The following MROH2B variants were observed in gnomAD, a reference collection of about 807,000 sequenced individuals.
MROH2B encodes maestro heat like repeat family member 2B.
MROH2B carries 177 observed loss-of-function variants against 208.6 expected under a neutral mutation model. The ratio of observed to expected loss-of-function variants is 0.85; its 90% confidence interval spans 0.75 to 0.96. The LOEUF is 0.96. MROH2B is among the 40% of genes least tolerant of loss of function. The probability of loss-of-function intolerance (pLI) is 0.00; values close to 1 mark genes in which losing one functional copy is unlikely to be tolerated. For synonymous variants in MROH2B, 728 were observed against 659.0 expected (o/e 1.10, Z -1.60); for missense variants, 2,002 against 1,878.7 (o/e 1.07, Z -1.21).
intron 5 of MROH2B, among the ~76,000 whole-genome samples, chr5:41,063,467 G>T (rs1367461153): frequency 6.6e-6 from 1 of 152,128 alleles, no homozygotes; most frequent in Admixed American, 6.5e-5. Context: ...TGCTGTGAGA[G>T]TTAAATGAAA....
chr5:41,038,774 T>C lies in MROH2B; in HGVS notation c.2176A>G (p.Ile726Val), dbSNP rs372870181. The change falls in exon 21 of 42, where the codon ATA becomes GTA. Residue 726 changes from isoleucine to valine, a missense_variant. Physicochemically the swap from Ile to Val is conservative, Grantham distance 29 (BLOSUM62 3). Coordinates refer to ENST00000399564, the MANE Select transcript of MROH2B (RefSeq NM_173489.5). Reference sequence around the variant, plus strand: ...CCATGAAGAGACAGGACTTGGGATATGATATCTTGATTAAGTCTGGAGAGA... The same window carrying C: ...CCATGAAGAGACAGGACTTGGGATACGATATCTTGATTAAGTCTGGAGAGA... ...QLLSRLNQDI[I>V]SQVLSLHGQC... 8 of 1,613,364 alleles carry C rather than the reference T, an allele frequency of 5.0e-6. No homozygotes were observed. The South Asian group carries it at 7.7e-5, about 16-fold the overall frequency.
Position 41,007,314 on chromosome 5 carries a change from C to T in MROH2B, c.3749G>A (p.Arg1250Lys), listed in dbSNP as rs1485642489. 9.3e-6 allele frequency: 13 copies of T among 1,399,728 alleles called. No individual in the cohort carries two copies. Among genetic ancestry groups the T allele is most frequent in the Non-Finnish European group, 1.0e-5 (11 of 1,068,052 alleles). 86.7% of individuals were successfully genotyped at this position (1,399,728 alleles called of 1,614,324 possible). Residue 1250 changes from arginine (R) to lysine (K), a missense_variant and splice_region_variant, in exon 34 of 42, where the codon AGG becomes AAG. Coordinates refer to ENST00000399564, the MANE Select transcript of MROH2B (RefSeq NM_173489.5). ...TGGTTCTAGAAAAAGTGCACATTAC[C>T]TGGCCAGTGAACATACGCCTATGTG... ...THHIGVCSLARSMAVWQHGVI... is the reference protein window; with the variant it reads ...THHIGVCSLAKSMAVWQHGVI...
chr5:41,033,152 ATCCATG>A lies in MROH2B; in HGVS notation c.2244_2249del (p.Met749_Asp750del), dbSNP rs770661363. ...TGCTTCTTGTGAAACTCATTTGCAG[ATCCATG>A]TCCTAAAGCAAAAGCATTTACAATG... is the stretch of plus-strand genomic sequence containing the variant. On this transcript the variant is annotated inframe_deletion and splice_region_variant, in exon 23 of 42. Transcript: ENST00000399564. 1.9e-6 allele frequency: 3 copies of A among 1,612,710 alleles called. No homozygotes were observed. In the Admixed American group the frequency reaches 5.0e-5, roughly 27 times the overall value.
chr5:41,033,787 A>G (rs1742654963), intron 22 of MROH2B, 51 bp downstream of exon 22: 2 of 922,946 alleles, frequency 2.2e-6, no homozygotes, highest in East Asian at 5.6e-5. Context: ...GGCATTATCT[A>G]TCTATCTATC....
At chr5:41,031,684 T>G (rs1268151999) in intron 24 of MROH2B, among the ~76,000 whole-genome samples, 1 of 152,068 alleles carries the variant, frequency 6.6e-6, no homozygotes, top group African/African-American at 2.4e-5. Flanking sequence ...ACAGATTATC[T>G]AATCAATAAG....
At chr5:41,016,842 A>G (rs2111863011) in intron 28 of MROH2B, among the ~76,000 whole-genome samples, 1 of 152,186 alleles carries the variant, frequency 6.6e-6, no homozygotes, top group East Asian at 1.9e-4. Context: ...GTAAAAACAT[A>G]TATCTTTAAT....
At chr5:41,060,661 C>T (rs1743608451) in intron 6 of MROH2B, among the ~76,000 whole-genome samples, 2 of 152,312 alleles carry the variant, frequency 1.3e-5, no homozygotes, top group Admixed American at 6.5e-5. Context: ...AAGTGCTTCC[C>T]TCTCTGTGCA....
chr5:41,033,941 A>G, intron 21 of MROH2B, 77 bp from the exon 22 acceptor site: 1 of 1,476,710 alleles, frequency 6.8e-7, no homozygotes, highest in South Asian at 1.2e-5. Flanking sequence ...AAAAGGACTC[A>G]CCCATCAACC....
At chr5:41,064,643 A>G (rs1743745239) in intron 4 of MROH2B, 73 bp from the exon 5 acceptor site, 2 of 1,143,690 alleles carry the variant, frequency 1.7e-6, no homozygotes, top group Admixed American at 3.9e-5. Context: ...CTCCAAATCA[A>G]CAAGAAGCAT....
At chr5:41,027,852 G>A (rs1579927166) in intron 24 of MROH2B, among the ~76,000 whole-genome samples, 1 of 152,168 alleles carries the variant, frequency 6.6e-6, no homozygotes, top group African/African-American at 2.4e-5. Flanking sequence ...GGAATACTAT[G>A]CAGCCATAAC....
At chr5:41,015,159 C>T (rs1043240356) in intron 29 of MROH2B, among the ~76,000 whole-genome samples, 4 of 152,220 alleles carry the variant, frequency 2.6e-5, no homozygotes, top group African/African-American at 4.8e-5. Context: ...CAGCATCCCA[C>T]ATTTTGGGAA....
chr5:41,015,559 C>T, intron 28 of MROH2B, 81 bp from the exon 29 acceptor site: 1 of 1,238,594 alleles, frequency 8.1e-7, no homozygotes, highest in Non-Finnish European at 1.2e-6. Flanking sequence ...TTTGATATGA[C>T]ACTAAATTAG....
chr5:41,054,339 G>A (rs1743379564), intron 11 of MROH2B, among the ~76,000 whole-genome samples: 1 of 152,164 alleles, frequency 6.6e-6, no homozygotes, highest in South Asian at 2.1e-4. Context: ...ACTTGCTCTA[G>A]GTAGAGTCTG....
At chr5:41,033,910 G>A in intron 21 of MROH2B, 46 bp from the exon 22 acceptor site, 4 of 1,548,170 alleles carry the variant, frequency 2.6e-6, no homozygotes, top group Non-Finnish European at 3.5e-6. Flanking sequence ...GAGTGGCATT[G>A]AGAGATATAC....
At position 41,042,066 on chromosome 5, in the gene MROH2B, A is replaced by T. The variant is rs186166576; in HGVS notation, c.1953+26T>A. On this transcript the variant is annotated intron_variant, in intron 19 of 41. Transcript: ENST00000399564. ...TTAGTTGTGTTGTTATCATCATAAG[A>T]GGAAATTGAGAGCAAGGGGTCCCAC... 4.2e-3 allele frequency: 5,480 copies of T among 1,318,754 alleles called. 22 individuals carry two copies. Among genetic ancestry groups the T allele is most frequent in the Non-Finnish European group, 4.9e-3 (4,561 of 931,668 alleles). The allele number at this position is 1,318,754 out of a possible 1,614,324, so 81.7% of individuals were successfully genotyped here.
intron 24 of MROH2B, among the ~76,000 whole-genome samples, chr5:41,031,376 G>A (rs963381834): frequency 6.6e-6 from 1 of 152,006 alleles, no homozygotes. Context: ...ATCACCCCAC[G>A]CCTTTGACAC....
chr5:41,025,768 A>G (rs1742335095), intron 24 of MROH2B, among the ~76,000 whole-genome samples: 1 of 152,242 alleles, frequency 6.6e-6, no homozygotes, highest in South Asian at 2.1e-4. Context: ...CCTGATGAAC[A>G]TCAATGCAAA....
chr5:41,061,516 AT>A, intron 6 of MROH2B, 53 bp downstream of exon 6: 5 of 1,400,286 alleles, frequency 3.6e-6, no homozygotes, highest in Non-Finnish European at 4.7e-6. Flanking sequence ...GAGAAGAGAA[AT>A]TTCAACCAGC....
chr5:41,022,454 A>G (rs926953036), intron 24 of MROH2B, among the ~76,000 whole-genome samples: 7 of 152,220 alleles, frequency 4.6e-5, no homozygotes, highest in Non-Finnish European at 8.8e-5. Flanking sequence ...GCTCACTGCT[A>G]GCACAGCAGT....
Sources: allele counts gnomAD v4.1 joint callset (sites outside exome capture counted in the v4.1 genomes callset), GRCh38; gene constraint gnomAD v4.1.1; transcripts MANE v1.5; gene names NCBI Gene and HGNC (gene_info 2026-07-23, HGNC 2026-07-21).